ACIN1: variants seen among roughly 807,000 people sequenced by gnomAD.
ACIN1 encodes apoptotic chromatin condensation inducer 1.
ACIN1 carries 16 observed loss-of-function variants against 146.6 expected under a neutral mutation model. The ratio of observed to expected loss-of-function variants is 0.11; its 90% CI spans 0.07 to 0.17. The LOEUF (loss-of-function observed/expected upper bound fraction) is 0.17, where lower values mean the gene tolerates loss of function less well. Ranked by LOEUF, ACIN1 falls within the 10% of genes least tolerant of loss-of-function variation. The pLI, the probability that ACIN1 is intolerant of heterozygous loss-of-function variation, is 1.00. For missense variants in ACIN1, 1,357 were observed against 1,609.3 expected (o/e 0.84, Z 2.68); for synonymous variants, 569 against 582.7 (o/e 0.98, Z 0.34).
chr14:23,067,209 AT>A lies in ACIN1; in HGVS notation c.2266-1202del. On this transcript the variant is annotated intron_variant, in intron 9 of 18. Transcript: ENST00000605057. This position sits in a 1 kb window ranked among gnomAD's most constrained non-coding sequence, Gnocchi z 4.6. Reference sequence around the variant, plus strand: ...AAATAAATAAAAGAAATCAGAAAAAATAAAGATATAGAAAAAAATAAAATAA... The same window carrying A: ...AAATAAATAAAAGAAATCAGAAAAAAAAAGATATAGAAAAAAATAAAATAA... 1.4e-6 allele frequency: 1 copy of A among 738,540 alleles called. No homozygotes were observed. Among genetic ancestry groups the A allele is most frequent in the East Asian group, 1.3e-4 (1 of 7,660 alleles). 45.7% of individuals were successfully genotyped at this position (738,540 alleles called of 1,614,324 possible).
intron 4 of ACIN1, among the ~76,000 whole-genome samples, chr14:23,086,531 T>C (rs1209702062): frequency 6.6e-6 from 1 of 152,190 alleles, no homozygotes; most frequent in Non-Finnish European, 1.5e-5. Context: ...AAACCAATTA[T>C]TTCTTTGAGA....
intron 4 of ACIN1, among the ~76,000 whole-genome samples, chr14:23,087,755 G>A (rs2048124690): frequency 6.6e-6 from 1 of 151,374 alleles, no homozygotes; most frequent in South Asian, 2.1e-4. Flanking sequence ...AGCCCTCTGT[G>A]TATCACCCTC....
Position 23,067,609 on chromosome 14 carries a change from G to C in ACIN1, c.2266-1601C>G. 1 of 985,978 alleles carries C rather than the reference G, an allele frequency of 1.0e-6. No homozygotes were observed. Among genetic ancestry groups the C allele is most frequent in the Non-Finnish European group, 1.2e-6 (1 of 830,006 alleles). 61.1% of individuals were successfully genotyped at this position (985,978 alleles called of 1,614,324 possible). The stretch of plus-strand genomic sequence containing the variant: ...GGGATAGAGGGGGGAAAGGGGCAGA[G>C]ACATCAGTCCTGGCCCTGAAGGGAC... On this transcript the variant is annotated intron_variant, in intron 9 of 18. Transcript: ENST00000605057. The surrounding 1 kb of genome is among the most constrained non-coding windows in gnomAD (Gnocchi z 4.6).
intron 10 of ACIN1, among the ~76,000 whole-genome samples, chr14:23,065,144 TC>T (rs142541319): frequency 0.011 from 1,637 of 152,340 alleles, 26 homozygotes; most frequent in African/African-American, 0.037. Flanking sequence ...GATCTGGTCT[TC>T]CTTTAATTTT....
rs1314224445 is a variant in ACIN1, at chr14:23,068,616, C to T, written c.2265+860G>A. On this transcript the variant is annotated intron_variant, in intron 9 of 18. Coordinates refer to ENST00000605057, the MANE Select transcript of ACIN1 (RefSeq NM_001386863.1). The surrounding 1 kb of genome is among the most constrained non-coding windows in gnomAD (Gnocchi z 4.3). Reference sequence around the variant, plus strand: ...GGTCCAGAGGAAGAGGCGGCATCAGCGATTGGCCAGTTGGGCAGGGTTATA... The same window carrying T: ...GGTCCAGAGGAAGAGGCGGCATCAGTGATTGGCCAGTTGGGCAGGGTTATA... The T allele has an allele frequency of 1.0e-5, 10 of 985,926 alleles. No individual in the cohort carries two copies. Among genetic ancestry groups the T allele is most frequent in the Non-Finnish European group, 1.1e-5 (9 of 829,986 alleles). 61.1% of individuals were successfully genotyped at this position (985,926 alleles called of 1,614,324 possible). A position where few individuals can be genotyped will look rare whatever the true frequency, so the allele number is the denominator to read the frequency against.
chr14:23,087,971 T>C (rs1251901375), intron 4 of ACIN1, among the ~76,000 whole-genome samples: 1 of 152,228 alleles, frequency 6.6e-6, no homozygotes, highest in Non-Finnish European at 1.5e-5. Flanking sequence ...TATGAGGCTT[T>C]CTCTAATCAC....
intron 4 of ACIN1, among the ~76,000 whole-genome samples, chr14:23,085,744 C>T (rs1472255786): frequency 6.6e-6 from 1 of 152,096 alleles, no homozygotes; most frequent in Non-Finnish European, 1.5e-5. Flanking sequence ...AAGGTGATAT[C>T]TTCTATTATA....
upstream of ACIN1, chr14:23,095,429 G>T: frequency 8.5e-7 from 1 of 1,170,720 alleles, no homozygotes; most frequent in Non-Finnish European, 1.2e-6. Flanking sequence ...AATCGGAGAT[G>T]TTCGTTTATT....
chr14:23,069,389 C>T (rs1199912054), intron 9 of ACIN1, 87 bp downstream of exon 9: 10 of 1,493,332 alleles, frequency 6.7e-6, no homozygotes, highest in Non-Finnish European at 8.0e-6. Context: ...GTTAACCCAC[C>T]GTGTAAGAGG....
chr14:23,070,711 AGCCTCCCAG>A (rs1472369304), intron 8 of ACIN1, among the ~76,000 whole-genome samples: 1 of 152,130 alleles, frequency 6.6e-6, no homozygotes, highest in African/African-American at 2.4e-5. Flanking sequence ...GGGGAAACCA[AGCCTCCCAG>A]GCCGATAACC....
intron 5 of ACIN1, among the ~76,000 whole-genome samples, chr14:23,081,337 C>G (rs1276572960): frequency 6.6e-6 from 1 of 152,146 alleles, no homozygotes; most frequent in African/African-American, 2.4e-5. Context: ...TTTAAGAATA[C>G]AGAGCAGCCT....
intron 12 of ACIN1, 60 bp downstream of exon 12, chr14:23,064,045 T>C (rs2047374903): frequency 1.3e-6 from 2 of 1,599,250 alleles, no homozygotes; most frequent in Middle Eastern, 1.7e-4. Flanking sequence ...GCTCCTCAGC[T>C]AGCTGCTCTG....
At chr14:23,063,617 C>A (rs753716260) in intron 12 of ACIN1, 40 bp from the exon 13 acceptor site, 1 of 1,612,374 alleles carries the variant, frequency 6.2e-7, no homozygotes, top group Non-Finnish European at 8.5e-7. Flanking sequence ...CTGTTAAACA[C>A]CAAACTGGCA....
Position 23,078,962 on chromosome 14 carries a change from A to G in ACIN1, c.1865T>C (p.Val622Ala). 6.2e-7 allele frequency: 1 copy of G among 1,614,150 alleles called. No individual in the cohort carries two copies. The highest frequency in any genetic ancestry group is 8.5e-7 in the Non-Finnish European group (1 of 1,180,026). The change falls in exon 7 of 19, where the codon GTT becomes GCT. Residue 622 changes from valine (V) to alanine (A), a missense_variant. Transcript: ENST00000605057. ...ETKDPSSGQEVATPPVPQLQV... is the reference protein window; with the variant it reads ...ETKDPSSGQEAATPPVPQLQV... ...CAGTTGTGGCACTGGTGGAGTTGCA[A>G]CCTCCTGACCAGAAGAGGGATCTTT...
chr14:23,071,530 C>T (rs762107360), intron 8 of ACIN1: 13 of 1,551,232 alleles, frequency 8.4e-6, no homozygotes, highest in Admixed American at 2.0e-5. Context: ...CGGCAGCGAT[C>T]AGCCGGAGAC....
Position 23,067,602 on chromosome 14 carries a change from G to A in ACIN1, c.2266-1594C>T. ...TCAGCGAGGGATAGAGGGGGGAAAG[G>A]GGCAGAGACATCAGTCCTGGCCCTG... On this transcript the variant is annotated intron_variant, in intron 9 of 18. Coordinates refer to ENST00000605057, the MANE Select transcript of ACIN1 (RefSeq NM_001386863.1). This position sits in a 1 kb window ranked among gnomAD's most constrained non-coding sequence, Gnocchi z 4.6. 1 of 985,944 alleles carries A rather than the reference G, an allele frequency of 1.0e-6. No individual in the cohort carries two copies. Among genetic ancestry groups the A allele is most frequent in the Non-Finnish European group, 1.2e-6 (1 of 830,022 alleles). 61.1% of individuals were successfully genotyped at this position (985,944 alleles called of 1,614,324 possible). A position where few individuals can be genotyped will look rare whatever the true frequency, so the allele number is the denominator to read the frequency against.
intron 8 of ACIN1, among the ~76,000 whole-genome samples, chr14:23,075,605 A>T (rs1594766430): frequency 6.7e-6 from 1 of 148,944 alleles, no homozygotes; most frequent in Non-Finnish European, 1.5e-5. Flanking sequence ...TTGAAGTCTA[A>T]TTTTTTTTTT....
intron 2 of ACIN1, among the ~76,000 whole-genome samples, chr14:23,092,418 T>C (rs912537974): frequency 1.3e-5 from 2 of 152,218 alleles, no homozygotes; most frequent in African/African-American, 4.8e-5. Context: ...TAACATGCAA[T>C]GGGCAAAAGG....
intron 2 of ACIN1, among the ~76,000 whole-genome samples, chr14:23,091,249 C>T (rs1202157859): frequency 6.6e-6 from 1 of 152,094 alleles, no homozygotes; most frequent in Non-Finnish European, 1.5e-5. Context: ...ATCTTTTAGG[C>T]TAAATTCCTA....
Sources: gnomAD v4.1 joint callset for allele counts (sites outside exome capture counted in the v4.1 genomes callset) on GRCh38, gnomAD v4.1.1 for gene constraint, Gnocchi (gnomAD v3.1) non-coding constraint, MANE v1.5 for transcripts, NCBI Gene and HGNC (gene_info 2026-07-23, HGNC 2026-07-21) for gene names.